ADIPOR1: variants seen among roughly 807,000 people sequenced by gnomAD.
ADIPOR1 encodes the protein adiponectin receptor protein 1.
Under a neutral mutation model 37.5 loss-of-function variants are expected in ADIPOR1, and 15 were observed. That is an observed-to-expected ratio of 0.40 (90% CI 0.27 to 0.62). The LOEUF (loss-of-function observed/expected upper bound fraction) is 0.62. Among genes scored for constraint, ADIPOR1 ranks in the 20% least tolerant of loss-of-function variants. The probability of loss-of-function intolerance (pLI) is 0.42; values close to 1 mark genes in which losing one functional copy is unlikely to be tolerated. For missense variants in ADIPOR1, 286 were observed against 478.0 expected (o/e 0.60, Z 3.75); for synonymous variants, 173 against 173.2 (o/e 1.00, Z 0.01).
Position 202,946,533 on chromosome 1 carries a change from A to G in ADIPOR1, c.336T>C (p.His112=). 1 of 1,614,136 alleles carries G rather than the reference A, an allele frequency of 6.2e-7. No individual in the cohort carries two copies. Among genetic ancestry groups the G allele is most frequent in the Middle Eastern group, 1.6e-4 (1 of 6,062 alleles). ...AGGAGGGCATGGGAGGTCTATGACC[A>G]TGTAGCAGATAGTCGTTGTCCTTTA... The part of the protein sequence containing the change: ...DWLKDNDYLL[H]GHRPPMPSFR... Residue 112 remains histidine, a synonymous_variant, in exon 4 of 8, where the codon CAT becomes CAC. Coordinates refer to ENST00000340990, the MANE Select transcript of ADIPOR1 (RefSeq NM_015999.6).
In ADIPOR1 at chr1:202,941,710, A is replaced by C; in HGVS notation, c.1000-9T>G. 6.2e-7 allele frequency: 1 copy of C among 1,605,824 alleles called. No homozygotes were observed. Among genetic ancestry groups the C allele is most frequent in the Non-Finnish European group, 8.5e-7 (1 of 1,178,002 alleles). On this transcript the variant is annotated splice_polypyrimidine_tract_variant and intron_variant, in intron 7 of 7. Coordinates refer to ENST00000340990, the MANE Select transcript of ADIPOR1 (RefSeq NM_015999.6). ...ATCTGATGAGACTGGAACTGTAGGA[A>C]TAAAAAGAAAAGAGCCTTTAGGATA...
intron 2 of ADIPOR1, 118 bp downstream of exon 2, chr1:202,950,812 G>A: frequency 7.3e-7 from 1 of 1,363,768 alleles, no homozygotes; most frequent in Non-Finnish European, 1.0e-6. Context: ...CTTGGATAGA[G>A]ACATTTCCAG....
At chr1:202,941,902 AATGCAC>A in intron 7 of ADIPOR1, 117 bp downstream of exon 7, 2 of 1,213,972 alleles carry the variant, frequency 1.6e-6, no homozygotes, top group Non-Finnish European at 2.3e-6. Context: ...ATTTACCTTC[AATGCAC>A]ATATATGTAC....
chr1:202,955,191 A>G (rs563350271), intron 1 of ADIPOR1, among the ~76,000 whole-genome samples: 82 of 152,082 alleles, frequency 5.4e-4, no homozygotes, highest in Non-Finnish European at 1.1e-3. Flanking sequence ...GTGGAAAAAC[A>G]GTCTGACTTC....
intron 2 of ADIPOR1, among the ~76,000 whole-genome samples, chr1:202,949,217 T>A (rs1293085589): frequency 1.3e-5 from 2 of 151,934 alleles, no homozygotes; most frequent in Non-Finnish European, 2.9e-5. Flanking sequence ...CTACAGCAGC[T>A]CCCAGGAGTA....
intron 1 of ADIPOR1, among the ~76,000 whole-genome samples, chr1:202,957,450 G>C (rs1173553629): frequency 1.3e-5 from 2 of 150,618 alleles, no homozygotes; most frequent in Non-Finnish European, 2.9e-5. Flanking sequence ...TTCTCCCAAA[G>C]AGCACCAGAA....
In ADIPOR1 at chr1:202,950,940, T is replaced by G. The variant is rs762980942; in HGVS notation, c.131A>C (p.Asn44Thr). Reference sequence around the variant, plus strand: ...GGGAAGATGACTTACTTTGGGTGGGTTGGCGATTACCCGTTTGCCCTTCTC... The same window carrying G: ...GGGAAGATGACTTACTTTGGGTGGGGTGGCGATTACCCGTTTGCCCTTCTC... ...LEEKGKRVIA[N>T]PPKAEEEQTC... The change falls in exon 2 of 8, where the codon AAC (asparagine) becomes ACC (threonine). Residue 44 changes from asparagine to threonine, a missense_variant. Coordinates refer to ENST00000340990, the MANE Select transcript of ADIPOR1 (RefSeq NM_015999.6). 6.2e-7 allele frequency: 1 copy of G among 1,614,024 alleles called. No individual in the cohort carries two copies. The highest frequency in any genetic ancestry group is 1.3e-5 in the African/African-American group (1 of 74,898).
At chr1:202,950,902 G>A (rs777229623) in intron 2 of ADIPOR1, 28 bp downstream of exon 2, 2 of 1,613,806 alleles carry the variant, frequency 1.2e-6, no homozygotes, top group East Asian at 2.2e-5. Context: ...AACTGAACAA[G>A]GGGATGACTC....
At chr1:202,956,322 G>C (rs1046571089) in intron 1 of ADIPOR1, among the ~76,000 whole-genome samples, 2 of 152,224 alleles carry the variant, frequency 1.3e-5, no homozygotes, top group African/African-American at 4.8e-5. Flanking sequence ...TTTCAGTTTG[G>C]CTTTGTATTA....
chr1:202,946,321 A>G, intron 4 of ADIPOR1, 118 bp downstream of exon 4: 1 of 1,211,536 alleles, frequency 8.3e-7, no homozygotes, highest in Non-Finnish European at 1.2e-6. Context: ...TAAAGTCATT[A>G]GTAGTTTAAA....
chr1:202,947,339 T>C (rs191498236), intron 3 of ADIPOR1, among the ~76,000 whole-genome samples: 193 of 151,818 alleles, frequency 1.3e-3, no homozygotes, highest in African/African-American at 4.4e-3. Flanking sequence ...CTGACCAACA[T>C]GGAGAAACCC....
chr1:202,945,103 G>A lies in ADIPOR1; in HGVS notation c.497C>T (p.Pro166Leu). 2.5e-6 allele frequency: 4 copies of A among 1,614,106 alleles called. No homozygotes were observed. Among genetic ancestry groups the A allele is most frequent in the Non-Finnish European group, 3.4e-6 (4 of 1,180,008 alleles). ...CCCAAAAACCACCTTCTCCTGTAGA[G>A]GGGCCATGAAGTACATATTTGGTCT... The part of the protein sequence containing the change: ...MLRPNMYFMA[P>L]LQEKVVFGMF... Residue 166 changes from proline (P) to leucine (L), a missense_variant, in exon 5 of 8, where the codon CCT (proline) becomes CTT (leucine). By Grantham distance (98) the Pro-to-Leu change is moderately conservative. Transcript: ENST00000340990.
At chr1:202,950,162 T>C (rs1654510994) in intron 2 of ADIPOR1, among the ~76,000 whole-genome samples, 1 of 151,886 alleles carries the variant, frequency 6.6e-6, no homozygotes, top group Non-Finnish European at 1.5e-5. Context: ...GGGGCTTCAC[T>C]ATGTTGGCCA....
chr1:202,958,572 TGGA>T (rs1287085082), upstream of ADIPOR1: 1 of 152,336 alleles, frequency 6.6e-6, no homozygotes, highest in Non-Finnish European at 1.5e-5. Context: ...AAGTGCGTGA[TGGA>T]GAAGAAATTT....
intron 1 of ADIPOR1, 126 bp from the exon 2 acceptor site, chr1:202,951,290 T>C: frequency 1.9e-6 from 1 of 537,536 alleles, no homozygotes. Flanking sequence ...GGCCAGTTAA[T>C]TGCTTAAATG....
chr1:202,941,953 CT>C, intron 7 of ADIPOR1, 71 bp downstream of exon 7: 1 of 1,485,036 alleles, frequency 6.7e-7, no homozygotes, highest in Non-Finnish European at 9.1e-7. Flanking sequence ...CTCATACCAC[CT>C]TTTCCTCAGC....
chr1:202,942,644 C>G (rs552044693), intron 6 of ADIPOR1, among the ~76,000 whole-genome samples: 1 of 152,080 alleles, frequency 6.6e-6, no homozygotes, highest in Non-Finnish European at 1.5e-5. Context: ...CCTGAGTAGA[C>G]AGATATACCC....
chr1:202,952,661 C>G (rs888709913), intron 1 of ADIPOR1, among the ~76,000 whole-genome samples: 1 of 152,170 alleles, frequency 6.6e-6, no homozygotes, highest in Non-Finnish European at 1.5e-5. Flanking sequence ...ACCAATAGCC[C>G]CTTGGGTTCT....
At chr1:202,948,617 A>C (rs1654428269) in intron 2 of ADIPOR1, among the ~76,000 whole-genome samples, 197 bp from the exon 3 acceptor site, 1 of 152,166 alleles carries the variant, frequency 6.6e-6, no homozygotes, top group African/African-American at 2.4e-5. Context: ...ATACTTCGTA[A>C]ATGCTGGAGT....
Sources: allele counts gnomAD v4.1 joint callset (sites outside exome capture counted in the v4.1 genomes callset), GRCh38; gene constraint gnomAD v4.1.1; transcripts MANE v1.5; gene names NCBI Gene and HGNC (gene_info 2026-07-23, HGNC 2026-07-21).